Variants in KCNC1 observed in about 807,000 individuals in gnomAD.
The protein encoded by KCNC1 is voltage-gated potassium channel KCNC1.
A neutral mutation model predicts 43.4 loss-of-function variants in KCNC1; 8 were observed. The observed-to-expected ratio is 0.18, with a 90% CI of 0.11 to 0.33. KCNC1 has a LOEUF of 0.33. Among genes scored for constraint, KCNC1 ranks in the 10% least tolerant of loss-of-function variants. The pLI, the probability that KCNC1 is intolerant of heterozygous loss-of-function variation, is 1.00. For missense variants in KCNC1, 420 were observed against 836.0 expected, an observed-to-expected ratio of 0.50 and a Z score of 6.14; for synonymous variants, 361 against 360.5, an observed-to-expected ratio of 1.00 and a Z score of -0.01.
At chr11:17,760,310 G>A (rs963560342) in intron 1 of KCNC1, among the ~76,000 whole-genome samples, 1 of 152,190 alleles carries the variant, frequency 6.6e-6, no homozygotes, top group Non-Finnish European at 1.5e-5. Flanking sequence ...GTAGACAGGC[G>A]TACTAGGAGA....
intron 1 of KCNC1, among the ~76,000 whole-genome samples, chr11:17,741,203 G>A (rs1261514538): frequency 1.3e-5 from 2 of 151,542 alleles, no homozygotes; most frequent in Non-Finnish European, 2.9e-5. Context: ...GTCTTTGAAT[G>A]GTTCCTCCAG....
rs1270671388 is a variant in KCNC1, at chr11:17,771,209, C to A, written c.571-456C>A. Among the ~76,000 whole-genome samples the A allele has an allele frequency of 6.6e-6, 1 of 150,934 alleles. No individual in the cohort carries two copies. The highest frequency in any genetic ancestry group is 1.5e-5 in the Non-Finnish European group (1 of 67,836). On this transcript the variant is annotated intron_variant, in intron 1 of 3. Transcript: ENST00000265969. The surrounding 1 kb of genome is among the most constrained non-coding windows in gnomAD (Gnocchi z 4.7). Reference sequence around the variant, plus strand: ...AGGGGCTTCATTCCACTCTAGCTGCCCCCTCTTATTTCTTTGCAAACTTCA... The same window carrying A: ...AGGGGCTTCATTCCACTCTAGCTGCACCCTCTTATTTCTTTGCAAACTTCA...
At chr11:17,763,232 G>A (rs936718556) in intron 1 of KCNC1, among the ~76,000 whole-genome samples, 1 of 152,012 alleles carries the variant, frequency 6.6e-6, no homozygotes, top group African/African-American at 2.4e-5. Context: ...AAGTGTCACT[G>A]TGGAGATGCA....
chr11:17,756,294 G>T (rs527883823), intron 1 of KCNC1, among the ~76,000 whole-genome samples: 4 of 152,184 alleles, frequency 2.6e-5, no homozygotes, highest in South Asian at 4.2e-4. Context: ...GCTCACATAG[G>T]TACATATTTG....
chr11:17,767,284 CAAAA>C (rs71483495), intron 1 of KCNC1, among the ~76,000 whole-genome samples: 6 of 95,910 alleles, frequency 6.3e-5, no homozygotes, highest in Admixed American at 1.3e-4. Flanking sequence ...GACTCCGTCT[CAAAA>C]AAAAAAAAAA....
In KCNC1 at chr11:17,739,842, C is replaced by G. The variant is rs1267992377; in HGVS notation, c.570+3270C>G. On this transcript the variant is annotated intron_variant, in intron 1 of 3. Transcript: ENST00000265969. The surrounding 1 kb of genome is among the most constrained non-coding windows in gnomAD (Gnocchi z 4.2). The stretch of plus-strand genomic sequence containing the variant: ...CAGTGTACGTGATGTGTGTGAGAAC[C>G]CACGTGTGTGTCAGTGTGCTGTGTG... 6.6e-6 allele frequency among the ~76,000 whole-genome samples: 1 copy of G among 151,826 alleles called. No individual in the cohort carries two copies. The highest frequency in any genetic ancestry group is 1.5e-5 in the Non-Finnish European group (1 of 67,946).
chr11:17,769,091 C>T (rs1565161908), intron 1 of KCNC1, among the ~76,000 whole-genome samples: 1 of 152,268 alleles, frequency 6.6e-6, no homozygotes, highest in Non-Finnish European at 1.5e-5. Flanking sequence ...CTCTACCCTG[C>T]CTCTCTCAAG....
chr11:17,772,329 C>G lies in KCNC1; in HGVS notation c.1235C>G (p.Ser412Cys), dbSNP rs1316412984. ...GYGDMYPQTWSGMLVGALCAL... is the reference protein window; with the variant it reads ...GYGDMYPQTWCGMLVGALCAL... The stretch of plus-strand genomic sequence containing the variant: ...GGAGACATGTACCCGCAGACGTGGT[C>G]CGGCATGCTGGTGGGGGCTCTGTGT... The change falls in exon 2 of 4, where the codon TCC (serine) becomes TGC (cysteine). Residue 412 changes from serine (S) to cysteine (C), a missense_variant. Around this residue, in one of 5 missense-constraint regions of KCNC1, gnomAD observed 58 missense variants for 256.9 expected, o/e 0.23. Transcript: ENST00000265969. The G allele has an allele frequency of 6.2e-7, 1 of 1,614,076 alleles. No individual in the cohort carries two copies. The highest frequency in any genetic ancestry group is 1.3e-5 in the African/African-American group (1 of 74,934).
intron 1 of KCNC1, among the ~76,000 whole-genome samples, chr11:17,764,934 G>A (rs1163744761): frequency 6.6e-6 from 1 of 152,156 alleles, no homozygotes; most frequent in African/African-American, 2.4e-5. Context: ...CACTGACTCC[G>A]CATGGATTAA....
chr11:17,738,287 C>A (rs955117784), intron 1 of KCNC1, among the ~76,000 whole-genome samples: 2 of 150,162 alleles, frequency 1.3e-5, no homozygotes, highest in African/African-American at 4.9e-5. Flanking sequence ...GCCACCACAG[C>A]TAGAGGGTTA....
At chr11:17,763,162 C>A (rs954651451) in intron 1 of KCNC1, among the ~76,000 whole-genome samples, 1 of 152,030 alleles carries the variant, frequency 6.6e-6, no homozygotes, top group Non-Finnish European at 1.5e-5. Context: ...ACGTCTGCGC[C>A]GGGACGCTGC....
At position 17,749,638 on chromosome 11, in the gene KCNC1, G is replaced by A. The variant is rs138116408; in HGVS notation, c.570+13066G>A. Among the ~76,000 whole-genome samples, 592 of 152,342 alleles carry A rather than the reference G, an allele frequency of 3.9e-3. 1 individual carries two copies. Among genetic ancestry groups the A allele is most frequent in the African/African-American group, 0.013 (529 of 41,580 alleles). On this transcript the variant is annotated intron_variant, in intron 1 of 3. Transcript: ENST00000265969. The stretch of plus-strand genomic sequence containing the variant: ...CTCTCTGAGCAGCAGTGAGGAACAC[G>A]GCCACCTGCTGGGCCACCTGGAGTG...
intron 1 of KCNC1, among the ~76,000 whole-genome samples, chr11:17,757,313 G>C (rs1305435275): frequency 6.6e-6 from 1 of 152,204 alleles, no homozygotes; most frequent in African/African-American, 2.4e-5. Context: ...AGCCTGGCCT[G>C]CAGGAGGGAT....
In KCNC1 at chr11:17,773,328, G is replaced by A. The variant is rs572942507; in HGVS notation, c.1504+730G>A. 29 of 985,408 alleles carry A rather than the reference G, an allele frequency of 2.9e-5. No homozygotes were observed. In the Admixed American group the frequency reaches 7.4e-4, roughly 25 times the overall value. The allele number at this position is 985,408 out of a possible 1,614,324, so 61.0% of individuals were successfully genotyped here. Reference sequence around the variant, plus strand: ...CTGTTGAAGTGACTCTAGCTTTCACGTTGTCTGTTTGGGTTGATGGTCGAG... The same window carrying A: ...CTGTTGAAGTGACTCTAGCTTTCACATTGTCTGTTTGGGTTGATGGTCGAG... On this transcript the variant is annotated intron_variant, in intron 2 of 3. Coordinates refer to ENST00000265969, the MANE Select transcript of KCNC1 (RefSeq NM_001112741.2). The surrounding 1 kb of genome is among the most constrained non-coding windows in gnomAD (Gnocchi z 4.1).
At chr11:17,769,363 T>A (rs562570506) in intron 1 of KCNC1, among the ~76,000 whole-genome samples, 17 of 138,402 alleles carry the variant, frequency 1.2e-4, no homozygotes, top group African/African-American at 4.4e-4. Context: ...GGGAGGGAGA[T>A]AAAGAAAAAA....
At position 17,779,082 on chromosome 11, in the gene KCNC1, C is replaced by T. The variant is rs1849317946; in HGVS notation, c.1505-374C>T. On this transcript the variant is annotated intron_variant, in intron 2 of 3. Transcript: ENST00000265969. This position sits in a 1 kb window ranked among gnomAD's most constrained non-coding sequence, Gnocchi z 7.2. Reference sequence around the variant, plus strand: ...TTCTGCGTGTCTGTCTGTCTTCTCCCTGAGCTCTGTGTCTGGCTCTCCCCC... The same window carrying T: ...TTCTGCGTGTCTGTCTGTCTTCTCCTTGAGCTCTGTGTCTGGCTCTCCCCC... 5.6e-6 allele frequency: 1 copy of T among 177,488 alleles called. No individual in the cohort carries two copies. Among genetic ancestry groups the T allele is most frequent in the African/African-American group, 2.4e-5 (1 of 42,366 alleles). The allele number at this position is 177,488 out of a possible 1,614,324, so 11.0% of individuals were successfully genotyped here. A position where few individuals can be genotyped will look rare whatever the true frequency, so the allele number is the denominator to read the frequency against.
chr11:17,743,014 C>T (rs1848859263), intron 1 of KCNC1, among the ~76,000 whole-genome samples: 1 of 152,182 alleles, frequency 6.6e-6, no homozygotes, highest in African/African-American at 2.4e-5. Context: ...GACCCAAATC[C>T]TTAGGATTCC....
rs1848812686 is a variant in KCNC1 at position 17,739,509 on chromosome 11, CTGTG to C, written c.570+2940_570+2943del. On this transcript the variant is annotated intron_variant, in intron 1 of 3. Coordinates refer to ENST00000265969, the MANE Select transcript of KCNC1 (RefSeq NM_001112741.2). This position sits in a 1 kb window ranked among gnomAD's most constrained non-coding sequence, Gnocchi z 4.2. ...GGACTGTGCGTGTGTGAGAATGAGA[CTGTG>C]TGGGAGAGAGTGTGTATAAGGAAGA... Among the ~76,000 whole-genome samples the C allele has an allele frequency of 1.3e-5, 2 of 151,504 alleles. No homozygotes were observed. Among genetic ancestry groups the C allele is most frequent in the Non-Finnish European group, 2.9e-5 (2 of 67,928 alleles).
Position 17,735,976 on chromosome 11 carries a change from C to T in KCNC1, c.-27C>T. 2 of 1,411,314 alleles carry T rather than the reference C, an allele frequency of 1.4e-6. No individual in the cohort carries two copies. Among genetic ancestry groups the T allele is most frequent in the Non-Finnish European group, 1.8e-6 (2 of 1,090,006 alleles). The allele number at this position is 1,411,314 out of a possible 1,614,324, so 87.4% of individuals were successfully genotyped here. On this transcript the variant is annotated 5_prime_UTR_variant, in exon 1 of 4. Coordinates refer to ENST00000265969, the MANE Select transcript of KCNC1 (RefSeq NM_001112741.2). The surrounding 1 kb of genome is among the most constrained non-coding windows in gnomAD (Gnocchi z 6.7). ...GGCCGCTCCCATGGGTGTCGCTGGG[C>T]CGCGCCATGCCTAAGGGGGCGCCGC... is the stretch of plus-strand genomic sequence containing the variant.
Sources: allele counts gnomAD v4.1 joint callset (sites outside exome capture counted in the v4.1 genomes callset), GRCh38; gene constraint gnomAD v4.1.1; regional missense constraint gnomAD v4.1.1; non-coding constraint Gnocchi (gnomAD v3.1); transcripts MANE v1.5; gene names NCBI Gene and HGNC (gene_info 2026-07-23, HGNC 2026-07-21).